CLPTM1: variants seen among roughly 807,000 people sequenced by gnomAD.
CLPTM1 encodes putative lipid scramblase CLPTM1.
A neutral mutation model predicts 77.3 loss-of-function variants in CLPTM1; 21 were observed. The ratio of observed to expected loss-of-function variants is 0.27; its 90% confidence interval spans 0.19 to 0.39. CLPTM1 has a LOEUF of 0.39. Ranked by LOEUF, CLPTM1 falls within the 10% of genes least tolerant of loss-of-function variation. CLPTM1 has a pLI of 1.00. For missense variants in CLPTM1, 642 were observed against 921.2 expected (o/e 0.70, Z 3.92); for synonymous variants, 373 against 381.0 (o/e 0.98, Z 0.24).
At chr19:44,968,345 G>T (rs1438543507) in intron 2 of CLPTM1, among the ~76,000 whole-genome samples, 1 of 152,182 alleles carries the variant, frequency 6.6e-6, no homozygotes, top group African/African-American at 2.4e-5. Flanking sequence ...AGCACATGTG[G>T]TTACCTGGAG....
intron 9 of CLPTM1, among the ~76,000 whole-genome samples, chr19:44,988,842 C>T (rs1568389745): frequency 6.6e-6 from 1 of 152,220 alleles, no homozygotes; most frequent in African/African-American, 2.4e-5. Flanking sequence ...GGCCCTGTAG[C>T]TCCCGCAGGC....
At chr19:44,977,288 C>A (rs1970819400) in intron 4 of CLPTM1, 55 bp from the exon 5 acceptor site, 2 of 1,317,126 alleles carry the variant, frequency 1.5e-6, no homozygotes, top group Non-Finnish European at 2.2e-6. Context: ...AGGGCTTTAA[C>A]GTTTCCCTCA....
intron 2 of CLPTM1, among the ~76,000 whole-genome samples, chr19:44,971,657 C>T (rs1027120372): frequency 3.9e-5 from 6 of 152,004 alleles, no homozygotes; most frequent in African/African-American, 1.4e-4. Flanking sequence ...CGTCAGGGCT[C>T]AAGTGACTCT....
In CLPTM1 at chr19:44,973,175, G is replaced by T. The variant is rs371543810; in HGVS notation, c.274G>T (p.Ala92Ser). The T allele has an allele frequency of 1.2e-6, 2 of 1,613,368 alleles. No individual in the cohort carries two copies. Among genetic ancestry groups the T allele is most frequent in the Non-Finnish European group, 1.7e-6 (2 of 1,179,870 alleles). The change falls in exon 3 of 14, where the codon GCC (alanine) becomes TCC (serine). Residue 92 changes from alanine to serine, a missense_variant. Physicochemically the swap from Ala to Ser is moderately conservative, Grantham distance 99. This residue lies in a region of CLPTM1 where 521 missense variants were observed against 800.4 expected (regional missense o/e 0.65). Transcript: ENST00000337392. ...GGGCCCCGGAGGAGCTCCACGCGTC[G>T]CCAGCCGCAACCTGTTCCCCAAAGA... ...QAGPGGAPRV[A>S]SRNLFPKDTL... is the part of the protein sequence containing the mutation.
intron 4 of CLPTM1, 115 bp from the exon 5 acceptor site, chr19:44,977,228 A>C: frequency 1.3e-6 from 1 of 769,412 alleles, no homozygotes. Context: ...GTACTCAGTA[A>C]ATGGCCAGAG....
At chr19:44,983,316 A>C (rs1970926414) in intron 5 of CLPTM1, among the ~76,000 whole-genome samples, 1 of 152,024 alleles carries the variant, frequency 6.6e-6, no homozygotes, top group African/African-American at 2.4e-5. Context: ...TTTCCTTCAT[A>C]GCATAAGGAA....
intron 5 of CLPTM1, 127 bp downstream of exon 5, chr19:44,977,587 T>C: frequency 1.3e-6 from 1 of 769,594 alleles, no homozygotes; most frequent in Non-Finnish European, 2.2e-6. Flanking sequence ...TCAAAGAGGG[T>C]GGGATTGGCA....
Position 44,991,105 on chromosome 19 carries a change from C to A in CLPTM1, c.1420-133C>A. On this transcript the variant is annotated intron_variant, in intron 11 of 13. Transcript: ENST00000337392. This position sits in a 1 kb window ranked among gnomAD's most constrained non-coding sequence, Gnocchi z 5.4. ...CCATAACTGCTTCCCTGGGCGAGTC[C>A]GGAGTCCCCAGGGCTACCTGGAAAT... is the stretch of plus-strand genomic sequence containing the variant. 1 of 1,474,902 alleles carries A rather than the reference C, an allele frequency of 6.8e-7. No homozygotes were observed. Among genetic ancestry groups the A allele is most frequent in the East Asian group, 2.3e-5 (1 of 43,724 alleles). The allele number at this position is 1,474,902 out of a possible 1,614,324, so 91.4% of individuals were successfully genotyped here.
rs1971090320 is a variant in CLPTM1, at chr19:44,992,441, G to A, written c.1723+41G>A. The A allele has an allele frequency of 6.2e-7, 1 of 1,612,330 alleles. No homozygotes were observed. The highest frequency in any genetic ancestry group is 8.5e-7 in the Non-Finnish European group (1 of 1,178,840). ...CAGGTGGGAGCTCCCACCGGAACAGGGCCCTGAGGCAGTCTTTAGGGCCCA... is the reference window on the plus strand; with the variant it reads ...CAGGTGGGAGCTCCCACCGGAACAGAGCCCTGAGGCAGTCTTTAGGGCCCA... On this transcript the variant is annotated intron_variant, in intron 13 of 13. Transcript: ENST00000337392. This position sits in a 1 kb window ranked among gnomAD's most constrained non-coding sequence, Gnocchi z 7.7.
intron 2 of CLPTM1, among the ~76,000 whole-genome samples, chr19:44,971,314 AATATGT>A (rs1320461006): frequency 3.3e-5 from 5 of 151,456 alleles, no homozygotes; most frequent in Admixed American, 3.3e-4. Flanking sequence ...TCATTCTATC[AATATGT>A]ATAATTACAA....
At chr19:44,980,682 G>A (rs1970881449) in intron 5 of CLPTM1, among the ~76,000 whole-genome samples, 1 of 151,860 alleles carries the variant, frequency 6.6e-6, no homozygotes, top group Admixed American at 6.6e-5. Context: ...GCCAGGCACG[G>A]TGGCTCATGC....
chr19:44,969,791 G>T (rs554686437), intron 2 of CLPTM1, among the ~76,000 whole-genome samples: 4 of 150,764 alleles, frequency 2.7e-5, no homozygotes, highest in Non-Finnish European at 5.9e-5. Flanking sequence ...AGGTTCAAGC[G>T]ATTCTTTTGC....
chr19:44,964,591 G>A (rs543448903), intron 2 of CLPTM1, among the ~76,000 whole-genome samples: 59 of 152,226 alleles, frequency 3.9e-4, no homozygotes, highest in African/African-American at 1.3e-3. Flanking sequence ...GATTATAGGC[G>A]TGAGCCACCA....
intron 9 of CLPTM1, among the ~76,000 whole-genome samples, 187 bp downstream of exon 9, chr19:44,988,360 C>T (rs933139804): frequency 6.6e-6 from 1 of 152,214 alleles, no homozygotes; most frequent in African/African-American, 2.4e-5. Context: ...AAATTCCCAC[C>T]CACCGGGTGT....
At position 44,987,348 on chromosome 19, in the gene CLPTM1, G is replaced by C; in HGVS notation, c.963G>C (p.Gln321His). ...GGCGCTGGCAGCTCTATGCTGCCCA[G>C]AGCACCAAGTCGCCCTGGAACTTCC... ...SLWRWQLYAA[Q>H]STKSPWNFLG... The change falls in exon 8 of 14, where the codon CAG (glutamine) becomes CAC (histidine). Residue 321 changes from glutamine to histidine, a missense_variant. Gln to His is a conservative substitution (Grantham distance 24, BLOSUM62 0). Coordinates refer to ENST00000337392, the MANE Select transcript of CLPTM1 (RefSeq NM_001294.4). The C allele has an allele frequency of 6.2e-7, 1 of 1,614,232 alleles. No individual in the cohort carries two copies. Among genetic ancestry groups the C allele is most frequent in the Non-Finnish European group, 8.5e-7 (1 of 1,180,030 alleles).
At chr19:44,973,846 C>T (rs1286107654) in intron 3 of CLPTM1, among the ~76,000 whole-genome samples, 1 of 145,964 alleles carries the variant, frequency 6.9e-6, no homozygotes, top group Non-Finnish European at 1.5e-5. Flanking sequence ...TCACTGCAAC[C>T]TCTGCCTCCC....
chr19:44,969,472 A>C (rs1600020415), intron 2 of CLPTM1, among the ~76,000 whole-genome samples: 3 of 152,228 alleles, frequency 2.0e-5, no homozygotes, highest in African/African-American at 7.2e-5. Context: ...GTACAGGTTC[A>C]TTTCTCTCTG....
rs1217754444 is a variant in CLPTM1, at chr19:44,974,687, T to A, written c.468+90T>A. 2.7e-6 allele frequency: 4 copies of A among 1,471,680 alleles called. No individual in the cohort carries two copies. The African/African-American group carries it at 5.6e-5, about 21-fold the overall frequency. The allele number at this position is 1,471,680 out of a possible 1,614,324, so 91.2% of individuals were successfully genotyped here. On this transcript the variant is annotated intron_variant, in intron 4 of 13. Coordinates refer to ENST00000337392, the MANE Select transcript of CLPTM1 (RefSeq NM_001294.4). ...CAGTCCGCTCCTTGCTGAGAGCATGTGGAGTTTGGGCTCCAGGCTTGGCCC... is the reference window on the plus strand; with the variant it reads ...CAGTCCGCTCCTTGCTGAGAGCATGAGGAGTTTGGGCTCCAGGCTTGGCCC...
rs760361568 is a variant in CLPTM1 at position 44,992,960 on chromosome 19, C to T, written c.*63C>T. ...CACTACCCCTGCGTCCCGGCCCCCT[C>T]GCCTCCCCTCCCTGTCGCCCTTTCC... On this transcript the variant is annotated 3_prime_UTR_variant, in exon 14 of 14. Transcript: ENST00000337392. This position sits in a 1 kb window ranked among gnomAD's most constrained non-coding sequence, Gnocchi z 7.7. The T allele has an allele frequency of 5.8e-6, 9 of 1,548,100 alleles. No individual in the cohort carries two copies. Among genetic ancestry groups the T allele is most frequent in the South Asian group, 1.2e-5 (1 of 86,848 alleles).
Sources: allele counts gnomAD v4.1 joint callset (sites outside exome capture counted in the v4.1 genomes callset), GRCh38; gene constraint gnomAD v4.1.1; regional missense constraint gnomAD v4.1.1; non-coding constraint Gnocchi (gnomAD v3.1); transcripts MANE v1.5; gene names NCBI Gene and HGNC (gene_info 2026-07-23, HGNC 2026-07-21).